The following RESP18 variants were observed in gnomAD, a reference collection of about 807,000 sequenced individuals.
RESP18 encodes regulated endocrine specific protein 18, also known as regulated endocrine-specific protein 18.
A neutral mutation model predicts 30.0 loss-of-function variants in RESP18; 30 were observed. The ratio of observed to expected loss-of-function variants is 1.00; its 90% CI spans 0.75 to 1.36. The LOEUF (loss-of-function observed/expected upper bound fraction) is 1.36, where lower values mean the gene tolerates loss of function less well. RESP18 is among the 40% of genes most tolerant of loss of function. The pLI is 0.00. For missense variants in RESP18, 320 were observed against 284.2 expected (o/e 1.13, Z -0.91); for synonymous variants, 117 against 111.2 (o/e 1.05, Z -0.33).
At chr2:219,330,717 C>T in intron 3 of RESP18, 54 bp downstream of exon 2, 12 of 1,172,752 alleles carry the variant, frequency 1.0e-5, no homozygotes, top group Non-Finnish European at 1.5e-5. Flanking sequence ...GCCCCTCTTC[C>T]CCCCTCCCCA....
intron 6 of RESP18, among the ~76,000 whole-genome samples, chr2:219,328,465 G>A (rs1318995756): frequency 6.6e-6 from 1 of 151,688 alleles, no homozygotes; most frequent in Non-Finnish European, 1.5e-5. Flanking sequence ...TCTTTTTTCA[G>A]TGTGGAGGAG....
chr2:219,332,423 C>CT, intron 2 of RESP18, 101 bp downstream of exon 1: 2 of 845,680 alleles, frequency 2.4e-6, no homozygotes, highest in South Asian at 3.4e-5. Flanking sequence ...TAAGCACATT[C>CT]TTTTACTTCC....
At chr2:219,332,803 C>T (rs1952846783) in intron 1 of RESP18, 59 bp from the exon 1 acceptor site, 3 of 1,284,336 alleles carry the variant, frequency 2.3e-6, no homozygotes, top group Admixed American at 4.9e-5. Context: ...GTCGCCTCCC[C>T]AGCTCCTTCC....
chr2:219,329,751 C>T lies in RESP18; in HGVS notation c.351G>A (p.Lys117=), dbSNP rs921317810. 8.4e-6 allele frequency: 13 copies of T among 1,551,478 alleles called. No individual in the cohort carries two copies. Among genetic ancestry groups the T allele is most frequent in the Non-Finnish European group, 8.7e-6 (10 of 1,146,952 alleles). The change falls in exon 4 of 7, where the codon AAG becomes AAA. Residue 117 remains lysine (K), a synonymous_variant. Coordinates refer to ENST00000333527, the MANE Select transcript of RESP18 (RefSeq NM_001007089.4). ...TCATTGCATCCTGGGTGATGTCATC[C>T]TTCCAGAACAGACCTGCAGGATGAA...
intron 2 of RESP18, 107 bp downstream of exon 1, chr2:219,332,417 C>G: frequency 1.3e-6 from 1 of 793,244 alleles, no homozygotes; most frequent in East Asian, 2.7e-5. Context: ...CGTCCTTAAG[C>G]ACATTCTTTT....
chr2:219,330,264 T>C (rs1313043252), intron 3 of RESP18, among the ~76,000 whole-genome samples: 3 of 152,202 alleles, frequency 2.0e-5, no homozygotes, highest in South Asian at 2.1e-4. Flanking sequence ...AGCAGTAATA[T>C]GAACTCAAGG....
Position 219,327,443 on chromosome 2 carries a change from G to T in RESP18, c.*74C>A, listed in dbSNP as rs1952785527. The T allele has an allele frequency of 7.7e-7, 1 of 1,303,666 alleles. No individual in the cohort carries two copies. The highest frequency in any genetic ancestry group is 2.0e-5 in the Admixed American group (1 of 50,612). 80.8% of individuals were successfully genotyped at this position (1,303,666 alleles called of 1,614,324 possible). The stretch of plus-strand genomic sequence containing the variant: ...GTCTACTTTAATGATTCAAATCTGG[G>T]TCATCCAAGAACTGCTCCTCTGAAG... On this transcript the variant is annotated 3_prime_UTR_variant, in exon 7 of 7. Transcript: ENST00000333527.
rs769058345 is a variant in RESP18 at position 219,332,734 on chromosome 2, C to T, written c.22G>A (p.Gly8Arg). Residue 8 changes from glycine to arginine, a missense_variant, in exon 2 of 7, where the codon GGA becomes AGA. By Grantham distance (125) the Gly-to-Arg change is moderately radical. Transcript: ENST00000333527. Reference sequence around the variant, plus strand: ...GCAGCTTCCCACCAGCCCGCGACTCCGAATCTGTTTAACCCTCCTCGGCAG... The same window carrying T: ...GCAGCTTCCCACCAGCCCGCGACTCTGAATCTGTTTAACCCTCCTCGGCAG... 469 of 1,544,090 alleles carry T rather than the reference C, an allele frequency of 3.0e-4. No homozygotes were observed. The highest frequency in any genetic ancestry group is 3.8e-4 in the Non-Finnish European group (433 of 1,142,590).
intron 1 of RESP18, among the ~76,000 whole-genome samples, chr2:219,333,002 CAGT>C (rs1399509482): frequency 6.6e-6 from 1 of 151,954 alleles, no homozygotes; most frequent in African/African-American, 2.4e-5. Flanking sequence ...AGCGATGAAA[CAGT>C]AGGCACTCAA....
At chr2:219,332,821 C>A (rs1341911884) in intron 1 of RESP18, 77 bp from the exon 1 acceptor site, 1 of 1,075,436 alleles carries the variant, frequency 9.3e-7, no homozygotes, top group African/African-American at 1.6e-5. Context: ...TCCCCTACCG[C>A]CTCCCCACCC....
chr2:219,330,584 A>T (rs1559315890), intron 3 of RESP18, among the ~76,000 whole-genome samples, 187 bp downstream of exon 2: 1 of 146,702 alleles, frequency 6.8e-6, no homozygotes, highest in South Asian at 2.1e-4. Context: ...AAGGTGTTCT[A>T]GTGCAAATAG....
chr2:219,329,283 G>A (rs2125107250), intron 4 of RESP18, 31 bp from the exon 4 acceptor site: 1 of 1,551,674 alleles, frequency 6.4e-7, no homozygotes, highest in East Asian at 2.4e-5. Context: ...AGTCAAGGAG[G>A]AGGCAGAAAA....
Position 219,332,683 on chromosome 2 carries a change from C to T in RESP18, c.73G>A (p.Ala25Thr), listed in dbSNP as rs1952844361. ...GGCCAAGTCTCAGTGAAGGTAGCGGCCACGGCCGAGGGGCTGAGCGGGGCT... is the reference window on the plus strand; with the variant it reads ...GGCCAAGTCTCAGTGAAGGTAGCGGTCACGGCCGAGGGGCTGAGCGGGGCT... Residue 25 changes from alanine (A) to threonine (T), a missense_variant, in exon 2 of 7, where the codon GCC becomes ACC. By Grantham distance (58) the Ala-to-Thr change is moderately conservative (BLOSUM62 0). Transcript: ENST00000333527. The T allele has an allele frequency of 6.4e-7, 1 of 1,550,994 alleles. No individual in the cohort carries two copies. Among genetic ancestry groups the T allele is most frequent in the Non-Finnish European group, 8.7e-7 (1 of 1,146,882 alleles).
chr2:219,329,508 T>G, intron 4 of RESP18, 129 bp downstream of exon 3: 1 of 1,525,722 alleles, frequency 6.6e-7, no homozygotes, highest in Non-Finnish European at 8.8e-7. Context: ...CTCTGCTGAT[T>G]CCAAACAGGA....
At chr2:219,329,277 A>G in intron 4 of RESP18, 25 bp from the exon 4 acceptor site, 1 of 1,551,308 alleles carries the variant, frequency 6.4e-7, no homozygotes, top group Non-Finnish European at 8.7e-7. Flanking sequence ...ACCAGGAGTC[A>G]AGGAGGAGGC....
chr2:219,329,437 A>T, intron 4 of RESP18, 185 bp from the exon 4 acceptor site: 2 of 1,551,100 alleles, frequency 1.3e-6, no homozygotes, highest in Non-Finnish European at 1.7e-6. Context: ...AATTGGACCT[A>T]GGCTTGCCAC....
At position 219,332,548 on chromosome 2, in the gene RESP18, C is replaced by T. The variant is rs1438624236; in HGVS notation, c.208G>A (p.Gly70Ser). The change falls in exon 2 of 7, where the codon GGC becomes AGC. Residue 70 changes from glycine to serine, a missense_variant. Physicochemically the swap from Gly to Ser is moderately conservative, Grantham distance 56. Transcript: ENST00000333527. ...CCGTGGGCACTAGTGTCGCTGCAGC[C>T]CCCCGGGCAGCTGTTCAGCAGCAGG... 6 of 1,551,174 alleles carry T rather than the reference C, an allele frequency of 3.9e-6. No individual in the cohort carries two copies. The African/African-American group carries it at 4.1e-5, about 11-fold the overall frequency.
In RESP18 at chr2:219,332,563, TCAG is replaced by T. The variant is rs1399924519; in HGVS notation, c.190_192del (p.Leu64del). On this transcript the variant is annotated inframe_deletion, in exon 2 of 7. Transcript: ENST00000333527. The stretch of plus-strand genomic sequence containing the variant: ...TCGCTGCAGCCCCCCGGGCAGCTGT[TCAG>T]CAGCAGGAAGCAGACAAGCAGCTGG... 2.6e-6 allele frequency: 4 copies of T among 1,551,350 alleles called. No homozygotes were observed. In the Admixed American group the frequency reaches 5.9e-5, roughly 23 times the overall value.
rs1339923512 is a variant in RESP18, at chr2:219,332,506, C to A, written c.232+18G>T. 1.3e-6 allele frequency: 2 copies of A among 1,545,920 alleles called. No homozygotes were observed. Among genetic ancestry groups the A allele is most frequent in the East Asian group, 2.4e-5 (1 of 40,892 alleles). ...CGCTTTCTTGGCCCTGCCCGCACCC[C>A]CCAGGGTTCCTCCTGACCGTGGGCA... On this transcript the variant is annotated intron_variant, in intron 2 of 6. Coordinates refer to ENST00000333527, the MANE Select transcript of RESP18 (RefSeq NM_001007089.4).
Sources: allele counts gnomAD v4.1 joint callset (sites outside exome capture counted in the v4.1 genomes callset), GRCh38; gene constraint gnomAD v4.1.1; transcripts MANE v1.5; gene names NCBI Gene and HGNC (gene_info 2026-07-23, HGNC 2026-07-21).